ERC2: variants seen among roughly 807,000 people sequenced by gnomAD.
The protein encoded by ERC2 is ERC protein 2.
Under a neutral mutation model 114.8 loss-of-function variants are expected in ERC2, and 42 were observed. The ratio of observed to expected loss-of-function variants is 0.37; its 90% CI spans 0.29 to 0.47. The LOEUF is 0.47. ERC2 is among the 20% of genes least tolerant of loss of function. The pLI is 0.99. For missense variants in ERC2, 939 were observed against 1,150.7 expected (o/e 0.82, Z 2.66); for synonymous variants, 454 against 425.5 (o/e 1.07, Z -0.82).
intron 2 of ERC2, among the ~76,000 whole-genome samples, chr3:56,418,011 G>A (rs1227657581): frequency 6.6e-6 from 1 of 152,102 alleles, no homozygotes; most frequent in East Asian, 1.9e-4. Flanking sequence ...AAAGGGGCCG[G>A]GGCAGTGGCT....
chr3:56,028,288 A>G (rs934492971), intron 7 of ERC2, among the ~76,000 whole-genome samples: 1 of 152,098 alleles, frequency 6.6e-6, no homozygotes, highest in African/African-American at 2.4e-5. Context: ...TCGGGGGGTT[A>G]TGCCTTTTCA....
At chr3:55,650,081 T>C (rs577181818) in intron 17 of ERC2, among the ~76,000 whole-genome samples, 68 of 152,250 alleles carry the variant, frequency 4.5e-4, no homozygotes, top group African/African-American at 1.6e-3. Context: ...CAGAGGATTG[T>C]GTTGTCTTTT....
At chr3:55,795,589 T>G (rs2070408974) in intron 14 of ERC2, among the ~76,000 whole-genome samples, 1 of 152,204 alleles carries the variant, frequency 6.6e-6, no homozygotes, top group African/African-American at 2.4e-5. Context: ...CTCCACCCGC[T>G]GCCTTTCACT....
At position 56,039,349 on chromosome 3, in the gene ERC2, A is replaced by T. The variant is rs910069282; in HGVS notation, c.1642-20318T>A. ...CAAAAAATCAGTAGCATCTCTATATACTAACAACAAACTATCTGAAAAAGA... is the reference window on the plus strand; with the variant it reads ...CAAAAAATCAGTAGCATCTCTATATTCTAACAACAAACTATCTGAAAAAGA... On this transcript the variant is annotated intron_variant, in intron 7 of 17. Transcript: ENST00000288221. Among the ~76,000 whole-genome samples the T allele has an allele frequency of 2.6e-5, 4 of 152,340 alleles. No individual in the cohort carries two copies. In the East Asian group the frequency reaches 5.8e-4, roughly 22 times the overall value.
intron 3 of ERC2, among the ~76,000 whole-genome samples, chr3:56,217,142 C>T (rs566277904): frequency 1.7e-3 from 258 of 152,140 alleles, no homozygotes; most frequent in African/African-American, 5.9e-3. Flanking sequence ...CTGGCCAGGG[C>T]AATCAGTCAG....
chr3:55,752,404 G>T (rs1031200531), intron 14 of ERC2, among the ~76,000 whole-genome samples: 1 of 152,188 alleles, frequency 6.6e-6, no homozygotes, highest in Non-Finnish European at 1.5e-5. Context: ...GTATTTACAC[G>T]ATGGAAATTG....
At chr3:55,619,183 A>G (rs1418569124) in intron 17 of ERC2, among the ~76,000 whole-genome samples, 1 of 152,212 alleles carries the variant, frequency 6.6e-6, no homozygotes, top group East Asian at 1.9e-4. Context: ...AAAAATCTGG[A>G]GCACTATTTT....
chr3:56,428,364 T>C (rs1329836586), intron 2 of ERC2, among the ~76,000 whole-genome samples: 1 of 151,520 alleles, frequency 6.6e-6, no homozygotes, highest in Non-Finnish European at 1.5e-5. Context: ...CTACTAAAAA[T>C]ACAAAAATCA....
rs539482659 is a variant in ERC2 at position 55,553,290 on chromosome 3, G to A, written c.*40-42014C>T. On this transcript the variant is annotated intron_variant, in intron 17 of 17. Coordinates refer to ENST00000288221, the MANE Select transcript of ERC2 (RefSeq NM_015576.3). ...CTGCCTCAGCCTCCCAAAGTGCTGGGATTACAGACATCAGCCACCACGTCA... is the reference window on the plus strand; with the variant it reads ...CTGCCTCAGCCTCCCAAAGTGCTGGAATTACAGACATCAGCCACCACGTCA... Among the ~76,000 whole-genome samples, 3 of 151,818 alleles carry A rather than the reference G, an allele frequency of 2.0e-5. No individual in the cohort carries two copies. The South Asian group carries it at 6.3e-4, about 32-fold the overall frequency.
chr3:56,298,592 C>A (rs2055613002), intron 2 of ERC2, among the ~76,000 whole-genome samples: 1 of 151,698 alleles, frequency 6.6e-6, no homozygotes, highest in Admixed American at 6.6e-5. Context: ...AACATTATGC[C>A]ATGTGAAAGA....
intron 4 of ERC2, among the ~76,000 whole-genome samples, chr3:56,168,297 G>T (rs2082431298): frequency 6.6e-6 from 1 of 152,120 alleles, no homozygotes; most frequent in African/African-American, 2.4e-5. Flanking sequence ...GGTATTACTG[G>T]GGGTGCAGGT....
intron 6 of ERC2, among the ~76,000 whole-genome samples, chr3:56,128,034 T>G (rs1182946678): frequency 1.3e-5 from 2 of 152,042 alleles, no homozygotes; most frequent in Non-Finnish European, 2.9e-5. Context: ...TGAGATCGCC[T>G]GCACTCCAGC....
At chr3:55,715,741 G>A (rs147262064) in intron 15 of ERC2, among the ~76,000 whole-genome samples, 64 of 152,272 alleles carry the variant, frequency 4.2e-4, no homozygotes, top group Admixed American at 9.8e-4. Flanking sequence ...AGAAAAATAG[G>A]TCTTTAGTTC....
intron 6 of ERC2, among the ~76,000 whole-genome samples, chr3:56,101,245 C>T (rs1280848703): frequency 6.6e-6 from 1 of 152,160 alleles, no homozygotes; most frequent in African/African-American, 2.4e-5. Context: ...TCATATCACA[C>T]CTCAGGAAAA....
chr3:56,384,895 T>C (rs143991139), intron 2 of ERC2, among the ~76,000 whole-genome samples: 74 of 152,322 alleles, frequency 4.9e-4, no homozygotes, highest in African/African-American at 1.6e-3. Flanking sequence ...TTATTTTACA[T>C]GTCCCAGTAT....
intron 14 of ERC2, among the ~76,000 whole-genome samples, chr3:55,811,361 CT>C (rs1024451968): frequency 6.6e-6 from 1 of 152,140 alleles, no homozygotes; most frequent in African/African-American, 2.4e-5. Flanking sequence ...CTCAAGTGGT[CT>C]TCACAGTACC....
At chr3:56,351,601 A>G (rs1311521308) in intron 2 of ERC2, among the ~76,000 whole-genome samples, 1 of 152,250 alleles carries the variant, frequency 6.6e-6, no homozygotes, top group Non-Finnish European at 1.5e-5. Context: ...CTGTAGAACC[A>G]CACTTGAAGT....
intron 2 of ERC2, among the ~76,000 whole-genome samples, chr3:56,419,142 G>C (rs1408759877): frequency 6.6e-6 from 1 of 152,190 alleles, no homozygotes; most frequent in Non-Finnish European, 1.5e-5. Flanking sequence ...CACTTCTTTA[G>C]TGTCTTCTTC....
At chr3:55,950,845 C>A (rs2149444679) in intron 12 of ERC2, among the ~76,000 whole-genome samples, 1 of 152,292 alleles carries the variant, frequency 6.6e-6, no homozygotes, top group East Asian at 1.9e-4. Flanking sequence ...ACCAAGGAAA[C>A]ACAACTTAGG....
Sources: gnomAD v4.1 joint callset for allele counts (sites outside exome capture counted in the v4.1 genomes callset) on GRCh38, gnomAD v4.1.1 for gene constraint, MANE v1.5 for transcripts, NCBI Gene and HGNC (gene_info 2026-07-23, HGNC 2026-07-21) for gene names.